The following RABGAP1L variants were observed in gnomAD, a reference collection of about 807,000 sequenced individuals.
RABGAP1L encodes rab GTPase-activating protein 1-like.
RABGAP1L carries 63 observed loss-of-function variants against 137.7 expected under a neutral mutation model. The observed-to-expected ratio is 0.46, with a 90% CI of 0.37 to 0.56. The LOEUF (loss-of-function observed/expected upper bound fraction) is 0.56. Ranked by LOEUF, RABGAP1L falls within the 20% of genes least tolerant of loss-of-function variation. The pLI, the probability that RABGAP1L is intolerant of heterozygous loss-of-function variation, is 0.00. For missense variants in RABGAP1L, 1,095 were observed against 1,244.0 expected, an observed-to-expected ratio of 0.88 and a Z score of 1.80; for synonymous variants, 431 against 433.7, an observed-to-expected ratio of 0.99 and a Z score of 0.08.
chr1:174,502,251 A>T (rs1228639442), intron 13 of RABGAP1L, among the ~76,000 whole-genome samples: 2 of 151,784 alleles, frequency 1.3e-5, no homozygotes, highest in African/African-American at 4.8e-5. Context: ...AACCAAATTT[A>T]TATTACATAG....
intron 10 of RABGAP1L, among the ~76,000 whole-genome samples, chr1:174,299,889 T>A (rs1235447008): frequency 6.6e-6 from 1 of 152,206 alleles, no homozygotes; most frequent in African/African-American, 2.4e-5. Context: ...GTTCTATAGC[T>A]TATTATAAAC....
intron 7 of RABGAP1L, among the ~76,000 whole-genome samples, chr1:174,260,007 G>A (rs886133513): frequency 6.6e-6 from 1 of 151,994 alleles, no homozygotes; most frequent in African/African-American, 2.4e-5. Context: ...GCTAATTTTT[G>A]TATGTTTAGT....
Position 174,257,740 on chromosome 1 carries a change from T to G in RABGAP1L, c.986+5150T>G, listed in dbSNP as rs145738240. On this transcript the variant is annotated intron_variant, in intron 7 of 25. Coordinates refer to ENST00000681986, the MANE Select transcript of RABGAP1L (RefSeq NM_001366446.1). ...TTTTACCAAAAACACGAGTACACAT[T>G]TGTACACATTAGGACAATTGTTTTT... 1.2e-3 allele frequency among the ~76,000 whole-genome samples: 180 copies of G among 152,344 alleles called. 2 individuals are homozygous for G. Among genetic ancestry groups the G allele is most frequent in the African/African-American group, 4.1e-3 (172 of 41,588 alleles).
chr1:174,895,456 A>G (rs956104172), intron 19 of RABGAP1L, among the ~76,000 whole-genome samples: 2 of 116,380 alleles, frequency 1.7e-5, no homozygotes, highest in Admixed American at 1.7e-4. Context: ...TTTTTTTATT[A>G]TTATACTTTA....
intron 13 of RABGAP1L, among the ~76,000 whole-genome samples, chr1:174,550,803 A>C (rs1466710726): frequency 6.9e-6 from 1 of 144,062 alleles, no homozygotes; most frequent in African/African-American, 2.6e-5. Flanking sequence ...GTGGATCACA[A>C]GGTCTGGAGA....
chr1:174,344,004 C>G (rs757154427), intron 11 of RABGAP1L, among the ~76,000 whole-genome samples: 4 of 152,134 alleles, frequency 2.6e-5, no homozygotes, highest in Non-Finnish European at 5.9e-5. Context: ...TGTTTCATCC[C>G]TGACTGACAG....
chr1:174,827,221 T>G (rs1030416763), intron 19 of RABGAP1L, among the ~76,000 whole-genome samples: 1 of 152,186 alleles, frequency 6.6e-6, no homozygotes, highest in African/African-American at 2.4e-5. Flanking sequence ...TATAGCTCAC[T>G]GCAATCTTGA....
At chr1:174,327,996 T>TATAC (rs1680667726) in intron 11 of RABGAP1L, among the ~76,000 whole-genome samples, 2 of 91,560 alleles carry the variant, frequency 2.2e-5, no homozygotes, top group South Asian at 3.3e-4. Flanking sequence ...CATATATATA[T>TATAC]ATATATATAT....
intron 18 of RABGAP1L, among the ~76,000 whole-genome samples, chr1:174,776,501 A>G (rs759684109): frequency 1.5e-3 from 233 of 152,368 alleles, no homozygotes; most frequent in Non-Finnish European, 2.8e-3. Flanking sequence ...GTTAGTGATC[A>G]AACAAATGAC....
intron 19 of RABGAP1L, among the ~76,000 whole-genome samples, chr1:174,896,111 C>T (rs1046494762): frequency 1.3e-5 from 2 of 152,168 alleles, no homozygotes; most frequent in Non-Finnish European, 2.9e-5. Context: ...CCTGTTGTTT[C>T]CTGACTTTTT....
intron 10 of RABGAP1L, among the ~76,000 whole-genome samples, chr1:174,297,555 C>G (rs1454892247): frequency 6.6e-6 from 1 of 152,148 alleles, no homozygotes; most frequent in Non-Finnish European, 1.5e-5. Flanking sequence ...TCATTCCCCT[C>G]TCTAAAGAAG....
intron 13 of RABGAP1L, among the ~76,000 whole-genome samples, chr1:174,444,605 G>T (rs1654527352): frequency 6.6e-6 from 1 of 151,954 alleles, no homozygotes; most frequent in Non-Finnish European, 1.5e-5. Flanking sequence ...TTTTATTATT[G>T]CTTCAATCTC....
chr1:174,645,771 C>A (rs941636445), intron 14 of RABGAP1L, among the ~76,000 whole-genome samples: 3 of 152,026 alleles, frequency 2.0e-5, no homozygotes, highest in African/African-American at 7.3e-5. Flanking sequence ...ATTTCTAGTT[C>A]TAGATCCTTG....
rs1285143203 is a variant in RABGAP1L at position 174,993,441 on chromosome 1, C to G, written c.*3440C>G. Reference sequence around the variant, plus strand: ...TGTATTAATATTTATTTTTCTCCAACCCCTGCTCCATTTTCTTAAAATATT... The same window carrying G: ...TGTATTAATATTTATTTTTCTCCAAGCCCTGCTCCATTTTCTTAAAATATT... On this transcript the variant is annotated 3_prime_UTR_variant, in exon 26 of 26. Coordinates refer to ENST00000681986, the MANE Select transcript of RABGAP1L (RefSeq NM_001366446.1). The G allele has an allele frequency of 1.3e-5, 2 of 152,180 alleles. No individual in the cohort carries two copies. The highest frequency in any genetic ancestry group is 4.8e-5 in the African/African-American group (2 of 41,432). The allele number at this position is 152,180 out of a possible 1,614,324, so 9.4% of individuals were successfully genotyped here. A position where few individuals can be genotyped will look rare whatever the true frequency, so the allele number is the denominator to read the frequency against.
chr1:174,442,021 A>AT (rs1393279899), intron 13 of RABGAP1L, among the ~76,000 whole-genome samples: 1 of 151,964 alleles, frequency 6.6e-6, no homozygotes, highest in Non-Finnish European at 1.5e-5. Flanking sequence ...AACTAAAGGG[A>AT]TTTAGTATGT....
intron 13 of RABGAP1L, among the ~76,000 whole-genome samples, chr1:174,616,042 A>G (rs773669274): frequency 6.6e-6 from 1 of 152,080 alleles, no homozygotes; most frequent in South Asian, 2.1e-4. Context: ...GAGTGAGGCA[A>G]TGTCTTGCCC....
intron 19 of RABGAP1L, among the ~76,000 whole-genome samples, chr1:174,921,835 C>T (rs1485855959): frequency 6.6e-6 from 1 of 152,168 alleles, no homozygotes; most frequent in Admixed American, 6.5e-5. Context: ...TAAAGATGCA[C>T]ATTTTTGAAT....
intron 3 of RABGAP1L, among the ~76,000 whole-genome samples, chr1:174,230,873 A>G (rs535868933): frequency 6.6e-6 from 1 of 152,160 alleles, no homozygotes; most frequent in South Asian, 2.1e-4. Flanking sequence ...TTTTTCTCTC[A>G]TCTGAAGAAC....
chr1:174,187,062 G>T (rs1046779669), intron 1 of RABGAP1L, among the ~76,000 whole-genome samples: 1 of 152,056 alleles, frequency 6.6e-6, no homozygotes, highest in African/African-American at 2.4e-5. Context: ...TTGCCTCAGC[G>T]CCTTTCCACA....
Sources: allele counts gnomAD v4.1 joint callset (sites outside exome capture counted in the v4.1 genomes callset), GRCh38; gene constraint gnomAD v4.1.1; transcripts MANE v1.5; gene names NCBI Gene and HGNC (gene_info 2026-07-23, HGNC 2026-07-21).